Variants in PFKP observed in about 807,000 individuals in gnomAD.
The protein encoded by PFKP is phosphofructokinase, platelet.
In PFKP, 101 loss-of-function variants were observed where a neutral mutation model predicts 94.3. The ratio of observed to expected loss-of-function variants is 1.07; its 90% CI spans 0.91 to 1.26. The LOEUF (loss-of-function observed/expected upper bound fraction) is 1.26, where lower values mean the gene tolerates loss of function less well. PFKP is among the 50% of genes most tolerant of loss of function. The pLI, the probability that PFKP is intolerant of heterozygous loss-of-function variation, is 0.00. For synonymous variants in PFKP, 573 were observed against 432.6 expected (o/e 1.32, Z -4.03); for missense variants, 1,145 against 1,103.3 (o/e 1.04, Z -0.53).
At position 3,133,353 on chromosome 10, in the gene PFKP, T is replaced by C. The variant is rs779709201; in HGVS notation, c.2022+39T>C. The C allele has an allele frequency of 2.5e-6, 3 of 1,210,744 alleles. No homozygotes were observed. The East Asian group carries it at 6.9e-5, about 28-fold the overall frequency. The allele number at this position is 1,210,744 out of a possible 1,614,324, so 75.0% of individuals were successfully genotyped here. On this transcript the variant is annotated intron_variant, in intron 19 of 21. Transcript: ENST00000381125. ...TGCATGAGGGGCCACAAAGCCCCTGTCATGTGACTTTTAAAAGATTAGTGT... is the reference window on the plus strand; with the variant it reads ...TGCATGAGGGGCCACAAAGCCCCTGCCATGTGACTTTTAAAAGATTAGTGT...
intron 16 of PFKP, chr10:3,125,378 C>A: frequency 1.5e-6 from 1 of 674,800 alleles, no homozygotes; most frequent in Non-Finnish European, 2.0e-6. Flanking sequence ...CTTTATGTCA[C>A]ACTGGCCAGA....
intron 1 of PFKP, chr10:3,069,447 G>C: frequency 6.7e-7 from 1 of 1,494,038 alleles, no homozygotes; most frequent in Non-Finnish European, 9.1e-7. Context: ...CTCAGTCAAA[G>C]GCCTTCAGAA....
At chr10:3,113,308 G>C in intron 12 of PFKP, 64 bp from the exon 13 acceptor site, 3 of 1,579,742 alleles carry the variant, frequency 1.9e-6, no homozygotes, top group East Asian at 4.5e-5. Flanking sequence ...CACTGCCAAA[G>C]TGTGCAGCAA....
At chr10:3,114,440 G>A (rs571424596) in intron 13 of PFKP, among the ~76,000 whole-genome samples, 31 of 152,304 alleles carry the variant, frequency 2.0e-4, no homozygotes, top group Non-Finnish European at 3.2e-4. Flanking sequence ...ATGACCCACC[G>A]TGCCCAGCCT....
At chr10:3,125,478 G>A (rs1837851964) in intron 16 of PFKP, among the ~76,000 whole-genome samples, 2 of 152,266 alleles carry the variant, frequency 1.3e-5, no homozygotes, top group South Asian at 2.1e-4. Flanking sequence ...CCTTGGGATC[G>A]TGTTTCTATC....
At position 3,101,667 on chromosome 10, in the gene PFKP, C is replaced by T. The variant is rs945139678; in HGVS notation, c.454+113C>T. On this transcript the variant is annotated intron_variant, in intron 4 of 21. Transcript: ENST00000381125. ...GAAGTACCTCTTCTCACAGATCTTA[C>T]AGGTCACCATCTCAGGACTTTTTAG... The T allele has an allele frequency of 7.0e-6, 5 of 714,962 alleles. No individual in the cohort carries two copies. The African/African-American group carries it at 7.3e-5, about 11-fold the overall frequency. 44.3% of individuals were successfully genotyped at this position (714,962 alleles called of 1,614,324 possible). A position where few individuals can be genotyped will look rare whatever the true frequency, so the allele number is the denominator to read the frequency against.
intron 17 of PFKP, among the ~76,000 whole-genome samples, chr10:3,131,886 A>G (rs1274290109): frequency 6.6e-6 from 1 of 152,124 alleles, no homozygotes; most frequent in East Asian, 1.9e-4. Flanking sequence ...ATGATCTGAA[A>G]TGGGGATGTT....
intron 2 of PFKP, among the ~76,000 whole-genome samples, chr10:3,096,102 G>C (rs1359630708): frequency 1.3e-5 from 2 of 152,214 alleles, no homozygotes; most frequent in Non-Finnish European, 2.9e-5. Flanking sequence ...TAACATGTTT[G>C]ATTAAATCCG....
At chr10:3,133,480 G>T (rs1028349411) in intron 19 of PFKP, among the ~76,000 whole-genome samples, 166 bp downstream of exon 19, 6 of 152,182 alleles carry the variant, frequency 3.9e-5, no homozygotes, top group African/African-American at 1.4e-4. Context: ...GCCCAGGCTG[G>T]AGTGCAGTGG....
chr10:3,089,755 CATT>C (rs1463699624), intron 2 of PFKP, among the ~76,000 whole-genome samples: 2 of 150,846 alleles, frequency 1.3e-5, no homozygotes, highest in African/African-American at 4.9e-5. Flanking sequence ...TATTATTAAA[CATT>C]ATTATACATT....
intron 6 of PFKP, 43 bp downstream of exon 6, chr10:3,105,202 G>C: frequency 6.3e-7 from 1 of 1,579,644 alleles, no homozygotes; most frequent in East Asian, 2.2e-5. Flanking sequence ...TTCAGGTGGG[G>C]GACCCTCAGC....
chr10:3,106,624 CCT>C (rs1320884444), intron 7 of PFKP, among the ~76,000 whole-genome samples: 31 of 45,932 alleles, frequency 6.7e-4, no homozygotes, highest in African/African-American at 1.5e-3. Flanking sequence ...TGCCACTGCC[CCT>C]TCACCCCTGC....
At chr10:3,112,161 C>A (rs532050616) in intron 10 of PFKP, 61 bp from the exon 11 acceptor site, 1 of 1,346,716 alleles carries the variant, frequency 7.4e-7, no homozygotes, top group Non-Finnish European at 1.1e-6. Flanking sequence ...CTCTACCTAC[C>A]CCATCCATGA....
chr10:3,109,278 G>A (rs1002464143), intron 9 of PFKP, 77 bp from the exon 10 acceptor site: 48 of 1,583,244 alleles, frequency 3.0e-5, no homozygotes, highest in Middle Eastern at 1.7e-4. Flanking sequence ...GTCATTGGAC[G>A]TCATGGAAAG....
chr10:3,133,951 G>A (rs955763994), intron 19 of PFKP, among the ~76,000 whole-genome samples: 1 of 152,192 alleles, frequency 6.6e-6, no homozygotes, highest in African/African-American at 2.4e-5. Flanking sequence ...TAGTATACTT[G>A]ACACCCCAAG....
intron 3 of PFKP, chr10:3,100,962 T>G (rs773201655): frequency 6.2e-7 from 1 of 1,611,140 alleles, no homozygotes; most frequent in East Asian, 2.2e-5. Flanking sequence ...TGGCTGCTGG[T>G]CACACCGCTT....
chr10:3,124,790 C>T (rs1588547075), intron 16 of PFKP, among the ~76,000 whole-genome samples: 1 of 152,214 alleles, frequency 6.6e-6, no homozygotes, highest in African/African-American at 2.4e-5. Context: ...TGAGCTGTCC[C>T]ACTCGTGACT....
intron 2 of PFKP, among the ~76,000 whole-genome samples, chr10:3,093,633 ATTATC>A (rs1834230003): frequency 7.7e-6 from 1 of 129,064 alleles, no homozygotes; most frequent in Admixed American, 7.9e-5. Context: ...AGGAACAAGC[ATTATC>A]TTTTTTTTTT....
chr10:3,103,359 A>G (rs1473273355), intron 4 of PFKP, among the ~76,000 whole-genome samples: 1 of 152,142 alleles, frequency 6.6e-6, no homozygotes, highest in African/African-American at 2.4e-5. Flanking sequence ...GGAGAAAATA[A>G]AGAATCGGCC....
Sources: allele counts gnomAD v4.1 joint callset (sites outside exome capture counted in the v4.1 genomes callset), GRCh38; gene constraint gnomAD v4.1.1; transcripts MANE v1.5; gene names NCBI Gene and HGNC (gene_info 2026-07-23, HGNC 2026-07-21).